RANBP17: variants seen among roughly 807,000 people sequenced by gnomAD.
RANBP17 encodes the protein RAN binding protein 17, also known as ran-binding protein 17.
Under a neutral mutation model 141.2 loss-of-function variants are expected in RANBP17, and 158 were observed. That is an observed-to-expected ratio of 1.12 (90% CI 0.98 to 1.28). The LOEUF (loss-of-function observed/expected upper bound fraction) is 1.28. Ranked by LOEUF, RANBP17 falls within the 50% of genes most tolerant of loss-of-function variation. The probability of loss-of-function intolerance (pLI) is 0.00; values close to 1 mark genes in which losing one functional copy is unlikely to be tolerated. For missense variants in RANBP17, 1,438 were observed against 1,290.7 expected (o/e 1.11, Z -1.75); for synonymous variants, 430 against 450.0 (o/e 0.96, Z 0.56).
intron 12 of RANBP17, among the ~76,000 whole-genome samples, chr5:170,926,617 T>C (rs571344841): frequency 6.6e-6 from 1 of 152,174 alleles, no homozygotes; most frequent in East Asian, 1.9e-4. Context: ...CATTTTAGTG[T>C]GTTATTCTTA....
intron 21 of RANBP17, among the ~76,000 whole-genome samples, chr5:171,221,481 C>G (rs1222293256): frequency 6.6e-6 from 1 of 152,104 alleles, no homozygotes; most frequent in African/African-American, 2.4e-5. Context: ...GGCAAGAAAT[C>G]TGTGATAAAG....
In RANBP17 at chr5:171,061,569, G is replaced by C. The variant is rs973657736; in HGVS notation, c.1710+93192G>C. Among the ~76,000 whole-genome samples, 4 of 152,134 alleles carry C rather than the reference G, an allele frequency of 2.6e-5. No individual in the cohort carries two copies. The East Asian group carries it at 7.7e-4, about 29-fold the overall frequency. On this transcript the variant is annotated intron_variant, in intron 14 of 27. Coordinates refer to ENST00000523189, the MANE Select transcript of RANBP17 (RefSeq NM_022897.5). ...TGATCTTTTACATTTGCTGAGGAGA[G>C]CTTTACTTCCAACTATGTGGTGAAT...
intron 24 of RANBP17, among the ~76,000 whole-genome samples, chr5:171,243,337 G>A (rs1351782740): frequency 6.6e-6 from 1 of 152,134 alleles, no homozygotes; most frequent in Middle Eastern, 3.2e-3. Context: ...ATTCATTCAT[G>A]TTATTTTGAA....
chr5:171,145,724 A>G (rs1188696044), intron 14 of RANBP17, among the ~76,000 whole-genome samples: 2 of 152,192 alleles, frequency 1.3e-5, no homozygotes, highest in Non-Finnish European at 2.9e-5. Context: ...ATAGGCCCAA[A>G]GTATATGTCA....
chr5:171,053,867 A>C (rs1464796987), intron 14 of RANBP17, among the ~76,000 whole-genome samples: 1 of 105,460 alleles, frequency 9.5e-6, no homozygotes, highest in Non-Finnish European at 1.8e-5. Flanking sequence ...AAATCCTGTC[A>C]GTGTTTAGTT....
chr5:171,166,976 C>T (rs1373741457), intron 14 of RANBP17, among the ~76,000 whole-genome samples: 1 of 152,042 alleles, frequency 6.6e-6, no homozygotes, highest in Non-Finnish European at 1.5e-5. Context: ...AGAGAAATCC[C>T]CAAGGACAAA....
At position 171,298,980 on chromosome 5, in the gene RANBP17, C is replaced by A; in HGVS notation, c.*122C>A. The A allele has an allele frequency of 3.1e-6, 2 of 637,894 alleles. No individual in the cohort carries two copies. The highest frequency in any genetic ancestry group is 5.4e-6 in the Non-Finnish European group (2 of 367,064). 39.5% of individuals were successfully genotyped at this position (637,894 alleles called of 1,614,324 possible). On this transcript the variant is annotated 3_prime_UTR_variant, in exon 28 of 28. Transcript: ENST00000523189. ...ATTTTTCAAAACATACAAGCAACAG[C>A]AAAAGCCCTAACTTCTTATACGTCT...
At chr5:170,949,236 A>C (rs1261578349) in intron 12 of RANBP17, among the ~76,000 whole-genome samples, 2 of 152,110 alleles carry the variant, frequency 1.3e-5, no homozygotes, top group Non-Finnish European at 2.9e-5. Flanking sequence ...TAATTAGACA[A>C]ATTAGATAAA....
At chr5:171,075,869 C>A (rs1784885885) in intron 14 of RANBP17, among the ~76,000 whole-genome samples, 1 of 152,046 alleles carries the variant, frequency 6.6e-6, no homozygotes, top group Non-Finnish European at 1.5e-5. Flanking sequence ...ATGAGAATCG[C>A]TTGAACCTAG....
At chr5:171,237,335 C>T (rs1764606128) in intron 22 of RANBP17, among the ~76,000 whole-genome samples, 1 of 152,114 alleles carries the variant, frequency 6.6e-6, no homozygotes, top group Admixed American at 6.5e-5. Flanking sequence ...ATTATCTGTG[C>T]TCATTTCCTA....
chr5:171,293,127 C>A (rs1768603054), intron 25 of RANBP17, among the ~76,000 whole-genome samples: 1 of 152,192 alleles, frequency 6.6e-6, no homozygotes, highest in Admixed American at 6.5e-5. Flanking sequence ...CCTGACTTCT[C>A]CTCAAGGACC....
At chr5:170,948,461 T>C (rs1774938520) in intron 12 of RANBP17, among the ~76,000 whole-genome samples, 1 of 152,202 alleles carries the variant, frequency 6.6e-6, no homozygotes, top group African/African-American at 2.4e-5. Flanking sequence ...GGAAGTCCAT[T>C]TATAGTATTA....
At chr5:170,899,653 G>T (rs919518711) in intron 5 of RANBP17, among the ~76,000 whole-genome samples, 1 of 152,112 alleles carries the variant, frequency 6.6e-6, no homozygotes, top group Non-Finnish European at 1.5e-5. Flanking sequence ...TTGGCTGTGG[G>T]TCTGTCATAA....
At chr5:170,939,189 A>G (rs1456808440) in intron 12 of RANBP17, among the ~76,000 whole-genome samples, 1 of 152,110 alleles carries the variant, frequency 6.6e-6, no homozygotes, top group Non-Finnish European at 1.5e-5. Flanking sequence ...TTCGAGAAAA[A>G]CGATATACAA....
At chr5:170,880,073 G>A (rs1017760194) in intron 2 of RANBP17, among the ~76,000 whole-genome samples, 1 of 152,112 alleles carries the variant, frequency 6.6e-6, no homozygotes, top group Non-Finnish European at 1.5e-5. Flanking sequence ...TTTACCACTA[G>A]TGTGACATAT....
Position 171,150,999 on chromosome 5 carries a change from C to T in RANBP17, c.1711-19131C>T, listed in dbSNP as rs138173332. ...AAAGAAAATGAACTAGTTGAGGTCT[C>T]TGTAAAAAATTCCAGCAGAGAATTT... On this transcript the variant is annotated intron_variant, in intron 14 of 27. Coordinates refer to ENST00000523189, the MANE Select transcript of RANBP17 (RefSeq NM_022897.5). Among the ~76,000 whole-genome samples, 1,274 of 152,292 alleles carry T rather than the reference C, an allele frequency of 8.4e-3. 11 individuals carry two copies. The highest frequency in any genetic ancestry group is 0.016 in the South Asian group (76 of 4,830).
At chr5:170,934,009 T>C (rs984879731) in intron 12 of RANBP17, among the ~76,000 whole-genome samples, 3 of 152,182 alleles carry the variant, frequency 2.0e-5, no homozygotes, top group African/African-American at 7.2e-5. Flanking sequence ...ATGTTGACAG[T>C]GGGGTTTTAA....
intron 12 of RANBP17, among the ~76,000 whole-genome samples, chr5:170,952,785 G>A (rs905066957): frequency 1.3e-5 from 2 of 151,980 alleles, no homozygotes; most frequent in Admixed American, 6.6e-5. Context: ...ATAATTTTAT[G>A]TTGTTAATTA....
chr5:171,234,693 A>G (rs923548782), intron 22 of RANBP17, among the ~76,000 whole-genome samples: 1 of 152,218 alleles, frequency 6.6e-6, no homozygotes. Flanking sequence ...ATTTGAGCAC[A>G]AGCAACTAGA....
Sources: allele counts gnomAD v4.1 joint callset (sites outside exome capture counted in the v4.1 genomes callset), GRCh38; gene constraint gnomAD v4.1.1; transcripts MANE v1.5; gene names NCBI Gene and HGNC (gene_info 2026-07-23, HGNC 2026-07-21).